Variants in A2ML1 observed in about 807,000 individuals in gnomAD.
The protein encoded by A2ML1 is alpha-2-macroglobulin-like protein 1.
A2ML1 carries 161 observed loss-of-function variants against 181.9 expected under a neutral mutation model. That is an observed-to-expected ratio of 0.89 (90% CI 0.78 to 1.01). A2ML1 has a LOEUF of 1.01. Among genes scored for constraint, A2ML1 ranks in the 50% least tolerant of loss-of-function variants. The probability of loss-of-function intolerance (pLI) is 0.00; values close to 1 mark genes in which losing one functional copy is unlikely to be tolerated. For missense variants in A2ML1, 1,670 were observed against 1,768.1 expected, an observed-to-expected ratio of 0.94 and a Z score of 1.00; for synonymous variants, 663 against 666.8, an observed-to-expected ratio of 0.99 and a Z score of 0.09.
chr12:8,860,961 T>C lies in A2ML1; in HGVS notation c.3339+6T>C. The C allele has an allele frequency of 6.2e-7, 1 of 1,614,078 alleles. No individual in the cohort carries two copies. The highest frequency in any genetic ancestry group is 8.5e-7 in the Non-Finnish European group (1 of 1,180,022). On this transcript the variant is annotated splice_donor_region_variant and intron_variant, in intron 27 of 35. Coordinates refer to ENST00000299698, the MANE Select transcript of A2ML1 (RefSeq NM_144670.6). ...AGATGGGAAAGGATGTAGATGTAAG[T>C]TCTCCTGGCTCCTGCTCTTGATACC...
intron 2 of A2ML1, 87 bp downstream of exon 2, chr12:8,823,452 C>G: frequency 7.0e-7 from 1 of 1,429,556 alleles, no homozygotes; most frequent in Non-Finnish European, 9.4e-7. Context: ...AGTATAATTT[C>G]TGTTATCTTT....
intron 21 of A2ML1, 115 bp from the exon 22 acceptor site, chr12:8,854,665 C>A: frequency 9.2e-7 from 1 of 1,084,912 alleles, no homozygotes; most frequent in Non-Finnish European, 1.4e-6. Context: ...CTCTTGTCTG[C>A]AGTTCTGAGG....
Position 8,855,599 on chromosome 12 carries a change from A to T in A2ML1, c.2848+7A>T, listed in dbSNP as rs1416398245. On this transcript the variant is annotated splice_region_variant and intron_variant, in intron 23 of 35. Coordinates refer to ENST00000299698, the MANE Select transcript of A2ML1 (RefSeq NM_144670.6). The stretch of plus-strand genomic sequence containing the variant: ...GCTTATGTTACGGTTCTGGGTAAGC[A>T]GTTAGAGATTCTTGACTCAGAAAGG... The T allele has an allele frequency of 6.2e-7, 1 of 1,614,014 alleles. No individual in the cohort carries two copies. The highest frequency in any genetic ancestry group is 8.5e-7 in the Non-Finnish European group (1 of 1,179,964).
chr12:8,874,536 G>A lies in A2ML1; in HGVS notation c.4324+9G>A, dbSNP rs1429509407. The A allele has an allele frequency of 6.2e-7, 1 of 1,602,688 alleles. No homozygotes were observed. The highest frequency in any genetic ancestry group is 1.7e-5 in the Admixed American group (1 of 59,918). On this transcript the variant is annotated intron_variant, in intron 34 of 35. Coordinates refer to ENST00000299698, the MANE Select transcript of A2ML1 (RefSeq NM_144670.6). ...TGACTACTACCTACCAGGTGAGAGGGCTGAGCTGAAATGAGATCTGAGATC... is the reference window on the plus strand; with the variant it reads ...TGACTACTACCTACCAGGTGAGAGGACTGAGCTGAAATGAGATCTGAGATC...
At position 8,823,753 on chromosome 12, in the gene A2ML1, G is replaced by T; in HGVS notation, c.280G>T (p.Ala94Ser). 2 of 1,614,044 alleles carry T rather than the reference G, an allele frequency of 1.2e-6. No homozygotes were observed. The highest frequency in any genetic ancestry group is 1.7e-6 in the Non-Finnish European group (2 of 1,180,006). The change falls in exon 3 of 36, where the codon GCC (alanine) becomes TCC (serine). Residue 94 changes from alanine (A) to serine (S), a missense_variant. Coordinates refer to ENST00000299698, the MANE Select transcript of A2ML1 (RefSeq NM_144670.6). ...TCCTGCTGGTGGCACAGAAGAAGTG[G>T]CCACAATCCGGGTGTCGGGAGTTGG... The part of the protein sequence containing the change: ...PPPAGGTEEV[A>S]TIRVSGVGNN...
At position 8,852,318 on chromosome 12, in the gene A2ML1, A is replaced by G. The variant is rs752399681; in HGVS notation, c.2572A>G (p.Ile858Val). Residue 858 changes from isoleucine to valine, a missense_variant, in exon 20 of 36, where the codon ATC (isoleucine) becomes GTC (valine). By Grantham distance (29) the Ile-to-Val change is conservative. Transcript: ENST00000299698. The surrounding 1 kb of genome is among the most constrained non-coding windows in gnomAD (Gnocchi z 4.2). ...ADDAKTHHWNITAVKLGHINF... is the reference protein window; with the variant it reads ...ADDAKTHHWNVTAVKLGHINF... ...TGACGCAAAAACCCACCACTGGAAC[A>G]TCACAGCTGTCAAATTGGGTAAGAG... 4 of 1,614,198 alleles carry G rather than the reference A, an allele frequency of 2.5e-6. No individual in the cohort carries two copies. Among genetic ancestry groups the G allele is most frequent in the South Asian group, 2.2e-5 (2 of 91,074 alleles).
chr12:8,843,109 TTC>T (rs751956881), intron 11 of A2ML1, 23 bp from the exon 12 acceptor site: 76 of 1,580,918 alleles, frequency 4.8e-5, no homozygotes, highest in Middle Eastern at 1.7e-4. Flanking sequence ...CATGCTAAAA[TTC>T]TCTCTCTCTC....
intron 4 of A2ML1, among the ~76,000 whole-genome samples, chr12:8,834,206 A>G (rs1206402434): frequency 1.3e-5 from 2 of 152,174 alleles, no homozygotes; most frequent in Non-Finnish European, 2.9e-5. Context: ...TTTTAAAAAT[A>G]ATTATTTGCA....
intron 10 of A2ML1, among the ~76,000 whole-genome samples, chr12:8,840,362 A>G (rs906239350): frequency 2.0e-5 from 3 of 151,782 alleles, no homozygotes; most frequent in Non-Finnish European, 4.4e-5. Context: ...TGTCTCAAAA[A>G]AAAAAAAAAA....
intron 8 of A2ML1, 41 bp downstream of exon 8, chr12:8,837,607 C>A (rs772974921): frequency 2.5e-6 from 4 of 1,580,056 alleles, no homozygotes; most frequent in Non-Finnish European, 3.4e-6. Context: ...ATCGGCCAGG[C>A]ACGGTGGCTC....
intron 28 of A2ML1, among the ~76,000 whole-genome samples, chr12:8,863,192 C>T (rs1439967046): frequency 1.3e-5 from 2 of 151,854 alleles, no homozygotes; most frequent in Admixed American, 1.3e-4. Flanking sequence ...CCGCAACCTC[C>T]ACCTCCCGGG....
At chr12:8,869,075 A>G (rs1306101152) in intron 32 of A2ML1, 60 bp from the exon 33 acceptor site, 1 of 1,542,126 alleles carries the variant, frequency 6.5e-7, no homozygotes, top group African/African-American at 1.4e-5. Context: ...GAGCTTTGGA[A>G]GACTACCCCA....
At chr12:8,882,193 T>G (rs757900622) in intron 7 of A2ML1, among the ~76,000 whole-genome samples, 1 of 151,724 alleles carries the variant, frequency 6.6e-6, no homozygotes, top group Non-Finnish European at 1.5e-5. Flanking sequence ...GAACAGGAAA[T>G]GAGAAGAGGA....
chr12:8,850,604 C>T (rs1943856831), intron 18 of A2ML1, among the ~76,000 whole-genome samples: 1 of 151,514 alleles, frequency 6.6e-6, no homozygotes, highest in Admixed American at 6.6e-5. Context: ...ACAACAAACC[C>T]AGAAAAAAAA....
Position 8,846,086 on chromosome 12 carries a change from C to T in A2ML1, c.1547C>T (p.Ala516Val). 1 of 1,614,122 alleles carries T rather than the reference C, an allele frequency of 6.2e-7. No individual in the cohort carries two copies. The highest frequency in any genetic ancestry group is 8.5e-7 in the Non-Finnish European group (1 of 1,180,024). ...HLNSKKKGLK[A>V]SFSLSLTFTS... Reference sequence around the variant, plus strand: ...CCCTCTTCTCTTTCAGGACTGAAAGCCTCCTTCTCTCTCTCACTGACCTTC... The same window carrying T: ...CCCTCTTCTCTTTCAGGACTGAAAGTCTCCTTCTCTCTCTCACTGACCTTC... Residue 516 changes from alanine (A) to valine (V), a missense_variant, in exon 14 of 36, where the codon GCC (alanine) becomes GTC (valine). By Grantham distance (64) the Ala-to-Val change is moderately conservative. Coordinates refer to ENST00000299698, the MANE Select transcript of A2ML1 (RefSeq NM_144670.6).
chr12:8,841,796 A>AC (rs1377624837), intron 11 of A2ML1, among the ~76,000 whole-genome samples: 2 of 152,154 alleles, frequency 1.3e-5, no homozygotes, highest in South Asian at 2.1e-4. Context: ...ATCTGATCCT[A>AC]TCTATATATG....
chr12:8,826,915 G>C (rs1431435912), intron 3 of A2ML1, among the ~76,000 whole-genome samples: 1 of 152,128 alleles, frequency 6.6e-6, no homozygotes, highest in Non-Finnish European at 1.5e-5. Flanking sequence ...CACCACGTCT[G>C]TCTTCTTGCA....
At position 8,823,283 on chromosome 12, in the gene A2ML1, C is replaced by T. The variant is rs999028234; in HGVS notation, c.164C>T (p.Thr55Ile). Residue 55 changes from threonine to isoleucine, a missense_variant, in exon 2 of 36, where the codon ACT becomes ATT. Transcript: ENST00000299698. ...TACAGTGATGTTAAATTCACGGTTA[C>T]TCTGGAGACCAAGGACAAGACCCAG... is the stretch of plus-strand genomic sequence containing the variant. Reference protein sequence around the residue: ...PGYSDVKFTVTLETKDKTQKL... With the variant: ...PGYSDVKFTVILETKDKTQKL... 2 of 1,614,138 alleles carry T rather than the reference C, an allele frequency of 1.2e-6. No homozygotes were observed. Among genetic ancestry groups the T allele is most frequent in the African/African-American group, 1.3e-5 (1 of 75,012 alleles).
intron 4 of A2ML1, among the ~76,000 whole-genome samples, chr12:8,833,124 C>A (rs1170902585): frequency 6.6e-6 from 1 of 152,070 alleles, no homozygotes; most frequent in Non-Finnish European, 1.5e-5. Context: ...CAGGAATGTA[C>A]CACCACATCT....
Sources: gnomAD v4.1 joint callset for allele counts (sites outside exome capture counted in the v4.1 genomes callset) on GRCh38, gnomAD v4.1.1 for gene constraint, Gnocchi (gnomAD v3.1) non-coding constraint, MANE v1.5 for transcripts, NCBI Gene and HGNC (gene_info 2026-07-23, HGNC 2026-07-21) for gene names.